The following CDH13 variants were observed in gnomAD, a reference collection of about 807,000 sequenced individuals.
CDH13 encodes cadherin-13.
Under a neutral mutation model 63.8 loss-of-function variants are expected in CDH13, and 24 were observed. The observed-to-expected ratio is 0.38, with a 90% CI of 0.27 to 0.53. The LOEUF (loss-of-function observed/expected upper bound fraction) is 0.53, where lower values mean the gene tolerates loss of function less well. Among genes scored for constraint, CDH13 ranks in the 20% least tolerant of loss-of-function variants. The pLI, the probability that CDH13 is intolerant of heterozygous loss-of-function variation, is 0.85. For synonymous variants in CDH13, 503 were observed against 355.3 expected (o/e 1.42, Z -4.67); for missense variants, 1,049 against 903.1 (o/e 1.16, Z -2.07).
At chr16:82,725,024 C>A (rs1444715212) in intron 1 of CDH13, among the ~76,000 whole-genome samples, 3 of 152,076 alleles carry the variant, frequency 2.0e-5, no homozygotes, top group Non-Finnish European at 4.4e-5. Context: ...TAGGGCTTGG[C>A]AATACTAAGT....
chr16:82,995,172 C>A (rs1454909134), intron 2 of CDH13, among the ~76,000 whole-genome samples: 1 of 152,194 alleles, frequency 6.6e-6, no homozygotes, highest in African/African-American at 2.4e-5. Flanking sequence ...CTAGGACCCT[C>A]TCTCCATTCT....
chr16:82,872,300 A>G (rs776928099), intron 2 of CDH13, among the ~76,000 whole-genome samples: 3 of 152,214 alleles, frequency 2.0e-5, no homozygotes, highest in Non-Finnish European at 4.4e-5. Context: ...AATTAAGACT[A>G]TCAAATTCTA....
At chr16:82,872,518 T>C (rs922042685) in intron 2 of CDH13, among the ~76,000 whole-genome samples, 1 of 152,134 alleles carries the variant, frequency 6.6e-6, no homozygotes, top group Non-Finnish European at 1.5e-5. Context: ...AAAATATAAA[T>C]TGGGAAAGAT....
chr16:83,017,768 C>G (rs905044413), intron 2 of CDH13, among the ~76,000 whole-genome samples: 2 of 152,120 alleles, frequency 1.3e-5, no homozygotes, highest in African/African-American at 2.4e-5. Flanking sequence ...ATGTAATCCC[C>G]AAGGTGTGTT....
At position 83,565,050 on chromosome 16, in the gene CDH13, G is replaced by A. The variant is rs181986114; in HGVS notation, c.961-37404G>A. On this transcript the variant is annotated intron_variant, in intron 7 of 13. Transcript: ENST00000567109. ...CTCATTTTATCTCTTGCTCCTCAGC[G>A]CTTTTGAGTCTCTCCCTGCATCACT... Among the ~76,000 whole-genome samples the A allele has an allele frequency of 4.4e-3, 670 of 152,228 alleles. 1 individual carries two copies. Among genetic ancestry groups the A allele is most frequent in the Non-Finnish European group, 7.4e-3 (501 of 68,020 alleles).
At chr16:83,258,001 G>A (rs989249058) in intron 5 of CDH13, among the ~76,000 whole-genome samples, 2 of 152,118 alleles carry the variant, frequency 1.3e-5, no homozygotes, top group Non-Finnish European at 2.9e-5. Flanking sequence ...GTATTGGTTT[G>A]CATTTCTCTA....
intron 1 of CDH13, among the ~76,000 whole-genome samples, chr16:82,832,060 C>A (rs1011485041): frequency 1.3e-5 from 2 of 152,144 alleles, no homozygotes; most frequent in East Asian, 3.9e-4. Context: ...AAAACCTCGA[C>A]CTTCTGTGTG....
At chr16:83,560,143 C>G (rs1282141886) in intron 7 of CDH13, among the ~76,000 whole-genome samples, 2 of 152,220 alleles carry the variant, frequency 1.3e-5, no homozygotes, top group Middle Eastern at 6.8e-3. Context: ...AGTCCCTGGA[C>G]AAGAGCAGAG....
intron 10 of CDH13, among the ~76,000 whole-genome samples, chr16:83,741,575 T>C (rs1912072377): frequency 1.3e-5 from 2 of 152,142 alleles, no homozygotes; most frequent in African/African-American, 4.8e-5. Flanking sequence ...CATCTATTAC[T>C]ATATCTATAA....
At chr16:82,956,547 A>G (rs1033401922) in intron 2 of CDH13, among the ~76,000 whole-genome samples, 7 of 151,996 alleles carry the variant, frequency 4.6e-5, no homozygotes, top group Non-Finnish European at 7.4e-5. Context: ...ATCCTGCCAC[A>G]CCCTTTGGAA....
intron 2 of CDH13, among the ~76,000 whole-genome samples, chr16:82,948,620 C>G (rs1904982931): frequency 6.6e-6 from 1 of 152,158 alleles, no homozygotes; most frequent in Non-Finnish European, 1.5e-5. Flanking sequence ...TATTTTTATT[C>G]TAAGAACAGA....
chr16:83,404,663 A>G (rs959349317), intron 6 of CDH13, among the ~76,000 whole-genome samples: 5 of 152,210 alleles, frequency 3.3e-5, no homozygotes, highest in Non-Finnish European at 7.3e-5. Flanking sequence ...ATATAGTGAA[A>G]ATTCCTCCTA....
At chr16:82,820,834 T>C (rs2037970892) in intron 1 of CDH13, among the ~76,000 whole-genome samples, 1 of 152,200 alleles carries the variant, frequency 6.6e-6, no homozygotes, top group Admixed American at 6.5e-5. Flanking sequence ...CATTTTCTTA[T>C]TGGAGTATAA....
intron 2 of CDH13, among the ~76,000 whole-genome samples, chr16:82,955,011 A>G (rs1206282067): frequency 2.0e-5 from 3 of 152,170 alleles, no homozygotes; most frequent in Non-Finnish European, 4.4e-5. Flanking sequence ...TGGATATATC[A>G]CATTTGTTTA....
At chr16:83,318,314 C>T (rs950217957) in intron 5 of CDH13, among the ~76,000 whole-genome samples, 4 of 152,164 alleles carry the variant, frequency 2.6e-5, no homozygotes, top group Admixed American at 6.5e-5. Flanking sequence ...AATCTAATCA[C>T]TCCATTTTCT....
At chr16:83,477,411 T>C (rs12919501) in intron 6 of CDH13, among the ~76,000 whole-genome samples, 20,994 of 152,196 alleles carry the variant, frequency 0.14, 1,587 homozygotes, top group African/African-American at 0.18. Flanking sequence ...AGGACTGTTT[T>C]TAAATGAAGT....
intron 6 of CDH13, among the ~76,000 whole-genome samples, chr16:83,379,872 G>A (rs62042585): frequency 0.026 from 3,834 of 148,686 alleles, 69 homozygotes; most frequent in South Asian, 0.036. Context: ...TTTCTATAAA[G>A]ATTATATGTG....
chr16:83,536,406 G>C (rs1239509219), intron 7 of CDH13, among the ~76,000 whole-genome samples: 1 of 152,132 alleles, frequency 6.6e-6, no homozygotes, highest in African/African-American at 2.4e-5. Flanking sequence ...TGAATCAAGA[G>C]GATGAGGTGG....
intron 5 of CDH13, among the ~76,000 whole-genome samples, chr16:83,251,558 A>T (rs1905533501): frequency 6.6e-6 from 1 of 152,166 alleles, no homozygotes; most frequent in Non-Finnish European, 1.5e-5. Context: ...GATGGGTCCA[A>T]TCTGGAGGTG....
Sources: gnomAD v4.1 joint callset for allele counts (sites outside exome capture counted in the v4.1 genomes callset) on GRCh38, gnomAD v4.1.1 for gene constraint, MANE v1.5 for transcripts, NCBI Gene and HGNC (gene_info 2026-07-23, HGNC 2026-07-21) for gene names.